Variants in PLA2R1 observed in about 807,000 individuals in gnomAD.
PLA2R1 encodes the protein secretory phospholipase A2 receptor.
PLA2R1 carries 158 observed loss-of-function variants against 195.9 expected under a neutral mutation model. That is an observed-to-expected ratio of 0.81 (90% CI 0.71 to 0.92). PLA2R1 has a LOEUF of 0.92. PLA2R1 is among the 40% of genes least tolerant of loss of function. The pLI, the probability that PLA2R1 is intolerant of heterozygous loss-of-function variation, is 0.00. For synonymous variants in PLA2R1, 586 were observed against 598.2 expected (o/e 0.98, Z 0.30); for missense variants, 1,626 against 1,764.6 (o/e 0.92, Z 1.41).
At chr2:160,019,991 C>T (rs1228120401) in intron 8 of PLA2R1, 115 bp downstream of exon 8, 8 of 640,380 alleles carry the variant, frequency 1.2e-5, no homozygotes, top group Non-Finnish European at 1.9e-5. Flanking sequence ...ATGGAAGGCC[C>T]ATGAGGAACA....
chr2:160,022,681 T>C lies in PLA2R1; in HGVS notation c.1278A>G (p.Val426=). The change falls in exon 7 of 30, where the codon GTA becomes GTG. Residue 426 remains valine (V), a synonymous_variant. Transcript: ENST00000283243. Reference sequence around the variant, plus strand: ...GGGACTCACCATCTCCAAGGAGGGTTACAAGAAACTCCACCTCTGCTAATG... The same window carrying C: ...GGGACTCACCATCTCCAAGGAGGGTCACAAGAAACTCCACCTCTGCTAATG... ...ITSLAEVEFL[V]TLLGDENASE... The C allele has an allele frequency of 6.3e-7, 1 of 1,597,178 alleles. No homozygotes were observed. The highest frequency in any genetic ancestry group is 8.5e-7 in the Non-Finnish European group (1 of 1,169,970).
At position 160,045,184 on chromosome 2, in the gene PLA2R1, T is replaced by C. The variant is rs763039346; in HGVS notation, c.110-27A>G. The C allele has an allele frequency of 1.2e-5, 19 of 1,555,790 alleles. No individual in the cohort carries two copies. In the East Asian group the frequency reaches 2.0e-4, roughly 17 times the overall value. ...TGAAACAAAAATCAAAGATGTGGCA[T>C]GAAATTTTCATATATAATTAACTAG... On this transcript the variant is annotated intron_variant, in intron 1 of 29. Coordinates refer to ENST00000283243, the MANE Select transcript of PLA2R1 (RefSeq NM_007366.5).
At chr2:159,980,771 T>C (rs1424839468) in intron 13 of PLA2R1, among the ~76,000 whole-genome samples, 2 of 152,236 alleles carry the variant, frequency 1.3e-5, no homozygotes, top group Non-Finnish European at 2.9e-5. Context: ...CTGAGAATAA[T>C]TTTGAAGAAT....
intron 20 of PLA2R1, among the ~76,000 whole-genome samples, chr2:159,958,798 A>T (rs2105180411): frequency 6.6e-6 from 1 of 152,352 alleles, no homozygotes; most frequent in Non-Finnish European, 1.5e-5. Flanking sequence ...ACTAATGGGT[A>T]GAGACAAAGA....
intron 1 of PLA2R1, among the ~76,000 whole-genome samples, chr2:160,051,404 C>T (rs1185866036): frequency 3.3e-5 from 5 of 152,148 alleles, no homozygotes; most frequent in Non-Finnish European, 7.3e-5. Context: ...CCTTCCTGCC[C>T]GGCAGCCTGT....
Position 159,967,565 on chromosome 2 carries a change from T to C in PLA2R1, c.2878A>G (p.Lys960Glu), listed in dbSNP as rs753488763. Residue 960 changes from lysine to glutamate, a missense_variant, in exon 20 of 30, where the codon AAA (lysine) becomes GAA (glutamate). By Grantham distance (56) the Lys-to-Glu change is moderately conservative. Transcript: ENST00000283243. Reference protein sequence around the residue: ...DTPKQHGTCPKGWLYFNYKCL... With the variant: ...DTPKQHGTCPEGWLYFNYKCL... The stretch of plus-strand genomic sequence containing the variant: ...TTATAGTTAAAATATAGCCATCCTT[T>C]GGGACACGTTCCATGTTGTTTTGGT... 1 of 1,613,768 alleles carries C rather than the reference T, an allele frequency of 6.2e-7. No individual in the cohort carries two copies. The highest frequency in any genetic ancestry group is 1.1e-5 in the South Asian group (1 of 91,042).
intron 1 of PLA2R1, among the ~76,000 whole-genome samples, chr2:160,049,204 G>C (rs1285590791): frequency 6.6e-6 from 1 of 152,000 alleles, no homozygotes; most frequent in Non-Finnish European, 1.5e-5. Flanking sequence ...GAAGACAGTG[G>C]TTCTACTTTC....
At chr2:159,947,853 A>G (rs1687482718) in intron 25 of PLA2R1, among the ~76,000 whole-genome samples, 2 of 152,042 alleles carry the variant, frequency 1.3e-5, no homozygotes, top group Admixed American at 6.6e-5. Flanking sequence ...TACAATTAGC[A>G]TCCTAAAGGT....
At chr2:159,988,098 A>G (rs1442875081) in intron 11 of PLA2R1, among the ~76,000 whole-genome samples, 1 of 152,202 alleles carries the variant, frequency 6.6e-6, no homozygotes, top group African/African-American at 2.4e-5. Context: ...CCACAGAAAC[A>G]ATTTATAAAT....
At chr2:159,962,108 T>C (rs575947070) in intron 20 of PLA2R1, among the ~76,000 whole-genome samples, 1 of 152,042 alleles carries the variant, frequency 6.6e-6, no homozygotes, top group Admixed American at 6.6e-5. Flanking sequence ...ACCTACAGAA[T>C]GGGAGAAAAT....
chr2:159,959,691 TC>T (rs1376240619), intron 20 of PLA2R1, among the ~76,000 whole-genome samples: 1 of 152,128 alleles, frequency 6.6e-6, no homozygotes, highest in Non-Finnish European at 1.5e-5. Context: ...TTCCCAGTGT[TC>T]CTACTCACAA....
At chr2:159,924,690 C>A in the PLA2R1 span, among the ~76,000 whole-genome samples, 1 of 143,198 alleles carries the variant, frequency 7.0e-6, no homozygotes, top group Non-Finnish European at 1.5e-5. Flanking sequence ...TAAGGAAAGA[C>A]CATTTACCTA....
intron 28 of PLA2R1, among the ~76,000 whole-genome samples, chr2:159,943,393 T>C (rs1687198449): frequency 6.6e-6 from 1 of 152,204 alleles, no homozygotes. Flanking sequence ...GATGCACAAA[T>C]TTTCAGAACA....
intron 6 of PLA2R1, 55 bp downstream of exon 6, chr2:160,028,163 T>C (rs958356234): frequency 8.5e-7 from 1 of 1,175,852 alleles, no homozygotes; most frequent in Non-Finnish European, 1.2e-6. Context: ...AATTTACATA[T>C]ATTGAGAGGA....
chr2:160,005,584 C>T lies in PLA2R1; in HGVS notation c.1834+68G>A. ...TTAAGAAAGAATCAAAGGAGGTGGG[C>T]CAAGGGGTGGAAGGAATTTGGAGTA... On this transcript the variant is annotated intron_variant, in intron 11 of 29. Coordinates refer to ENST00000283243, the MANE Select transcript of PLA2R1 (RefSeq NM_007366.5). 2.2e-6 allele frequency: 3 copies of T among 1,378,946 alleles called. No homozygotes were observed. In the South Asian group the frequency reaches 3.9e-5, roughly 18 times the overall value. 85.4% of individuals were successfully genotyped at this position (1,378,946 alleles called of 1,614,324 possible).
intron 11 of PLA2R1, among the ~76,000 whole-genome samples, chr2:159,999,106 T>G (rs62175468): frequency 0.094 from 14,234 of 152,122 alleles, 897 homozygotes; most frequent in Non-Finnish European, 0.14. Context: ...CTTTTGCCTT[T>G]CCACCATGTG....
intron 3 of PLA2R1, among the ~76,000 whole-genome samples, chr2:160,037,794 A>C (rs372757597): frequency 1.2e-4 from 18 of 152,290 alleles, no homozygotes; most frequent in African/African-American, 4.1e-4. Flanking sequence ...CAACTTCCTC[A>C]GGAAAACCTT....
intron 8 of PLA2R1, among the ~76,000 whole-genome samples, 173 bp downstream of exon 8, chr2:160,019,933 A>T (rs189205884): frequency 2.6e-5 from 4 of 152,294 alleles, no homozygotes; most frequent in Non-Finnish European, 2.9e-5. Context: ...CAATCATTAC[A>T]ACTATAATTA....
intron 1 of PLA2R1, among the ~76,000 whole-genome samples, chr2:160,052,432 C>T (rs1695268193): frequency 6.6e-6 from 1 of 152,236 alleles, no homozygotes; most frequent in Non-Finnish European, 1.5e-5. Flanking sequence ...TGCTAGACCT[C>T]TGTATCTTAC....
Sources: allele counts gnomAD v4.1 joint callset (sites outside exome capture counted in the v4.1 genomes callset), GRCh38; gene constraint gnomAD v4.1.1; transcripts MANE v1.5; gene names NCBI Gene and HGNC (gene_info 2026-07-23, HGNC 2026-07-21).